Variants in DCC observed in about 807,000 individuals in gnomAD.
DCC encodes the protein netrin receptor DCC.
In DCC, 58 loss-of-function variants were observed where a neutral mutation model predicts 172.5. The ratio of observed to expected loss-of-function variants is 0.34; its 90% CI spans 0.27 to 0.42. DCC has a LOEUF of 0.42. DCC is among the 10% of genes least tolerant of loss of function. The pLI, the probability that DCC is intolerant of heterozygous loss-of-function variation, is 1.00. For synonymous variants in DCC, 709 were observed against 644.5 expected, an observed-to-expected ratio of 1.10 and a Z score of -1.52; for missense variants, 1,740 against 1,791.0, an observed-to-expected ratio of 0.97 and a Z score of 0.51.
chr18:52,850,380 T>TC (rs1226094549), intron 2 of DCC, among the ~76,000 whole-genome samples: 2 of 152,126 alleles, frequency 1.3e-5, no homozygotes, highest in Non-Finnish European at 2.9e-5. Context: ...TTGAAGTCTC[T>TC]CCCCCAACTG....
chr18:52,919,987 C>A (rs2040095482), intron 3 of DCC, among the ~76,000 whole-genome samples: 2 of 95,034 alleles, frequency 2.1e-5, no homozygotes, highest in South Asian at 3.0e-4. Context: ...GCCTTTTCAA[C>A]AAGTGGTACT....
intron 1 of DCC, among the ~76,000 whole-genome samples, chr18:52,369,913 T>C (rs987437399): frequency 2.5e-4 from 38 of 152,306 alleles, no homozygotes; most frequent in Non-Finnish European, 3.8e-4. Context: ...ATTGTGGCAC[T>C]AACAGTGTCT....
At chr18:52,402,220 CT>C (rs937416697) in intron 1 of DCC, among the ~76,000 whole-genome samples, 4 of 151,918 alleles carry the variant, frequency 2.6e-5, no homozygotes, top group Non-Finnish European at 5.9e-5. Context: ...TAAACATTTA[CT>C]TTGGTGGTAG....
chr18:53,191,828 C>T (rs1019012070), intron 9 of DCC, among the ~76,000 whole-genome samples: 5 of 151,888 alleles, frequency 3.3e-5, no homozygotes, highest in African/African-American at 4.8e-5. Flanking sequence ...TGATCTGGCA[C>T]TTTGTGTCAC....
intron 5 of DCC, among the ~76,000 whole-genome samples, chr18:52,926,871 A>G (rs113522946): frequency 7.5e-5 from 11 of 146,060 alleles, no homozygotes; most frequent in African/African-American, 9.9e-5. Flanking sequence ...GTATATATAC[A>G]TATACATATA....
intron 1 of DCC, among the ~76,000 whole-genome samples, chr18:52,414,717 G>T (rs1208602388): frequency 6.6e-6 from 1 of 152,122 alleles, no homozygotes; most frequent in African/African-American, 2.4e-5. Flanking sequence ...GAACCTGAAT[G>T]ACTTATGAGC....
intron 21 of DCC, among the ~76,000 whole-genome samples, chr18:53,431,149 G>A (rs1054094347): frequency 1.6e-4 from 24 of 151,864 alleles, no homozygotes; most frequent in African/African-American, 5.6e-4. Flanking sequence ...AACTCCCTCT[G>A]TTTTAACTCA....
chr18:53,442,603 A>G (rs12953529), intron 22 of DCC, among the ~76,000 whole-genome samples: 48,320 of 152,160 alleles, frequency 0.32, 9,626 homozygotes, highest in Non-Finnish European at 0.47. Context: ...GGTGGAAGGA[A>G]GAGTCACATG....
At chr18:52,647,648 C>G (rs1252927912) in intron 1 of DCC, among the ~76,000 whole-genome samples, 2 of 152,132 alleles carry the variant, frequency 1.3e-5, no homozygotes, top group Non-Finnish European at 2.9e-5. Context: ...TTCTTCTGAC[C>G]CATACAAAAA....
At chr18:52,859,633 A>T (rs1019246749) in intron 2 of DCC, among the ~76,000 whole-genome samples, 1 of 152,166 alleles carries the variant, frequency 6.6e-6, no homozygotes, top group African/African-American at 2.4e-5. Context: ...TATTCAGTTA[A>T]TCTTTTCTAA....
At chr18:53,038,858 T>C (rs1374586777) in intron 5 of DCC, among the ~76,000 whole-genome samples, 4 of 151,892 alleles carry the variant, frequency 2.6e-5, no homozygotes, top group African/African-American at 9.7e-5. Context: ...GATGGTCAAT[T>C]GGTGAAGCCA....
At chr18:52,652,590 A>T (rs1237485862) in intron 1 of DCC, among the ~76,000 whole-genome samples, 1 of 152,148 alleles carries the variant, frequency 6.6e-6, no homozygotes, top group East Asian at 1.9e-4. Context: ...ACACGGGCCC[A>T]TTGGAATGTT....
intron 1 of DCC, among the ~76,000 whole-genome samples, chr18:52,549,445 G>A (rs1001963587): frequency 6.6e-6 from 1 of 151,906 alleles, no homozygotes; most frequent in African/African-American, 2.4e-5. Context: ...TTGCTCATAA[G>A]CAACTTTCCC....
intron 1 of DCC, among the ~76,000 whole-genome samples, chr18:52,700,584 G>A (rs1431182639): frequency 6.6e-6 from 1 of 152,184 alleles, no homozygotes; most frequent in Admixed American, 6.5e-5. Flanking sequence ...ATTATCTTAT[G>A]AATATGGGCT....
At position 53,139,988 on chromosome 18, in the gene DCC, C is replaced by T. The variant is rs548610725; in HGVS notation, c.1262-17368C>T. 9.2e-5 allele frequency among the ~76,000 whole-genome samples: 14 copies of T among 152,258 alleles called. No homozygotes were observed. In the South Asian group the frequency reaches 2.9e-3, roughly 32 times the overall value. ...CTTACTGAATCCCCATTACCTGGAA[C>T]AGTGCCTGATACATGAAAAATATTC... On this transcript the variant is annotated intron_variant, in intron 7 of 28. Transcript: ENST00000442544.
intron 5 of DCC, among the ~76,000 whole-genome samples, chr18:53,010,723 AATGTTTATG>A (rs2041716831): frequency 6.6e-6 from 1 of 150,914 alleles, no homozygotes; most frequent in African/African-American, 2.4e-5. Context: ...AATTATTTAT[AATGTTTATG>A]ATATACTTTC....
chr18:53,219,091 G>C (rs548026684), intron 12 of DCC, among the ~76,000 whole-genome samples: 1 of 152,062 alleles, frequency 6.6e-6, no homozygotes, highest in Non-Finnish European at 1.5e-5. Flanking sequence ...CTCTGTACCT[G>C]TTTTAATGTC....
chr18:52,699,287 G>A (rs1296384152), intron 1 of DCC, among the ~76,000 whole-genome samples: 1 of 152,138 alleles, frequency 6.6e-6, no homozygotes, highest in African/African-American at 2.4e-5. Context: ...CTGAGACCCT[G>A]CTCCTCAACC....
At chr18:53,116,075 T>A (rs2043404809) in intron 7 of DCC, among the ~76,000 whole-genome samples, 1 of 151,664 alleles carries the variant, frequency 6.6e-6, no homozygotes, top group Non-Finnish European at 1.5e-5. Flanking sequence ...TGTTACATTT[T>A]GCTGACCTGT....
Sources: allele counts gnomAD v4.1 joint callset (sites outside exome capture counted in the v4.1 genomes callset), GRCh38; gene constraint gnomAD v4.1.1; transcripts MANE v1.5; gene names NCBI Gene and HGNC (gene_info 2026-07-23, HGNC 2026-07-21).